Variants in CADM2 observed in about 807,000 individuals in gnomAD.
CADM2 encodes immunoglobulin superfamily member 4D.
CADM2 carries 12 observed loss-of-function variants against 49.8 expected under a neutral mutation model. The observed-to-expected ratio is 0.24, with a 90% CI of 0.15 to 0.39. The LOEUF (loss-of-function observed/expected upper bound fraction) is 0.39, where lower values mean the gene tolerates loss of function less well. CADM2 is among the 10% of genes least tolerant of loss of function. CADM2 has a pLI of 1.00. For missense variants in CADM2, 378 were observed against 492.3 expected, an observed-to-expected ratio of 0.77 and a Z score of 2.20; for synonymous variants, 214 against 175.4, an observed-to-expected ratio of 1.22 and a Z score of -1.74.
At chr3:85,686,794 T>C (rs1399976840) in intron 1 of CADM2, among the ~76,000 whole-genome samples, 1 of 152,030 alleles carries the variant, frequency 6.6e-6, no homozygotes, top group East Asian at 1.9e-4. Flanking sequence ...CTTTGGAGAG[T>C]CTAATCAGAA....
rs183003204 is a variant in CADM2 at position 85,113,905 on chromosome 3, G to T, written c.61+154237G>T. ...GTTTCAATAGCTGTAAGTAAGCAGT[G>T]TGATGGCAAGAGAAGAAAATAAAAT... On this transcript the variant is annotated intron_variant, in intron 1 of 9. Transcript: ENST00000383699. 1.4e-4 allele frequency among the ~76,000 whole-genome samples: 21 copies of T among 152,128 alleles called. 1 individual carries two copies. The East Asian group carries it at 4.1e-3, about 29-fold the overall frequency.
intron 8 of CADM2, among the ~76,000 whole-genome samples, chr3:86,001,653 G>T (rs949582815): frequency 6.6e-6 from 1 of 152,024 alleles, no homozygotes; most frequent in Non-Finnish European, 1.5e-5. Context: ...GGAAATAAGT[G>T]CACAGTAAAC....
intron 1 of CADM2, among the ~76,000 whole-genome samples, chr3:84,973,160 A>G (rs1054150056): frequency 2.0e-5 from 3 of 152,102 alleles, no homozygotes; most frequent in African/African-American, 7.2e-5. Flanking sequence ...TGATCCGCCA[A>G]CCTCGGCCTC....
At chr3:85,269,627 T>TC (rs1280905055) in intron 1 of CADM2, among the ~76,000 whole-genome samples, 52 of 151,324 alleles carry the variant, frequency 3.4e-4, no homozygotes, top group Admixed American at 2.5e-3. Flanking sequence ...ATCTCTTGTG[T>TC]ACTGAGTCAG....
chr3:85,854,998 T>A (rs2075253443), intron 3 of CADM2, among the ~76,000 whole-genome samples: 1 of 152,174 alleles, frequency 6.6e-6, no homozygotes, highest in Non-Finnish European at 1.5e-5. Flanking sequence ...TTCCACCTTA[T>A]GCCCACAGGA....
In CADM2 at chr3:85,130,751, T is replaced by G. The variant is rs556649573; in HGVS notation, c.61+171083T>G. On this transcript the variant is annotated intron_variant, in intron 1 of 9. Coordinates refer to ENST00000383699, the MANE Select transcript of CADM2 (RefSeq NM_001167675.2). ...TATTTTCTTATTAACCTTAAGTTAC[T>G]GATAGAAAGTTGAAATTGTTAACCA... Among the ~76,000 whole-genome samples, 5 of 152,352 alleles carry G rather than the reference T, an allele frequency of 3.3e-5. No homozygotes were observed. The South Asian group carries it at 1.0e-3, about 32-fold the overall frequency.
At chr3:85,902,966 C>A (rs1716318111) in intron 5 of CADM2, among the ~76,000 whole-genome samples, 1 of 151,856 alleles carries the variant, frequency 6.6e-6, no homozygotes, top group Non-Finnish European at 1.5e-5. Flanking sequence ...CTGAGAAAAG[C>A]AAGGATACCA....
intron 1 of CADM2, among the ~76,000 whole-genome samples, chr3:85,699,881 T>C (rs1271385969): frequency 1.3e-5 from 2 of 152,224 alleles, no homozygotes; most frequent in African/African-American, 4.8e-5. Context: ...TTCTATCAAA[T>C]GGGCAGGCTG....
chr3:85,314,404 C>T (rs1452443753), intron 1 of CADM2, among the ~76,000 whole-genome samples: 1 of 151,198 alleles, frequency 6.6e-6, no homozygotes, highest in Non-Finnish European at 1.5e-5. Context: ...TATTAAAAAT[C>T]AGTTCCTGGA....
At chr3:85,383,527 TATATATATATAC>T (rs1559811954) in intron 1 of CADM2, among the ~76,000 whole-genome samples, 28 of 59,518 alleles carry the variant, frequency 4.7e-4, no homozygotes, top group East Asian at 2.1e-3. Flanking sequence ...TATATATATA[TATATATATATAC>T]ATATATATAT....
intron 1 of CADM2, among the ~76,000 whole-genome samples, chr3:85,346,040 T>A (rs1240168628): frequency 1.3e-5 from 2 of 152,198 alleles, no homozygotes; most frequent in Non-Finnish European, 2.9e-5. Context: ...TCTACTGGTC[T>A]TACAACTTTT....
At chr3:85,547,329 C>T (rs4502590) in intron 1 of CADM2, among the ~76,000 whole-genome samples, 77,954 of 152,032 alleles carry the variant, frequency 0.51, 23,072 homozygotes, top group East Asian at 0.85. Context: ...TTGAATTATA[C>T]AGTGCGATGG....
chr3:85,059,196 G>A (rs954139925), intron 1 of CADM2, among the ~76,000 whole-genome samples: 4 of 151,582 alleles, frequency 2.6e-5, no homozygotes, highest in African/African-American at 7.3e-5. Flanking sequence ...CCGAGATCGC[G>A]CCACTGCACT....
chr3:85,617,858 A>G (rs950844383), intron 1 of CADM2, among the ~76,000 whole-genome samples: 1 of 152,224 alleles, frequency 6.6e-6, no homozygotes, highest in Non-Finnish European at 1.5e-5. Flanking sequence ...AAGTGATAAA[A>G]TAAAGATCTA....
intron 1 of CADM2, among the ~76,000 whole-genome samples, chr3:85,563,285 G>T (rs986506599): frequency 2.0e-5 from 3 of 152,014 alleles, no homozygotes; most frequent in African/African-American, 4.8e-5. Flanking sequence ...GAAATTGAAT[G>T]AGTGGATTGA....
At chr3:85,532,057 G>C (rs968113947) in intron 1 of CADM2, among the ~76,000 whole-genome samples, 4 of 152,124 alleles carry the variant, frequency 2.6e-5, no homozygotes, top group Admixed American at 6.5e-5. Flanking sequence ...GGAGCCTGTA[G>C]TCCCAGCGAC....
chr3:85,763,035 G>T (rs904297223), intron 2 of CADM2, among the ~76,000 whole-genome samples: 1 of 151,924 alleles, frequency 6.6e-6, no homozygotes, highest in Non-Finnish European at 1.5e-5. Flanking sequence ...CACATTCCTG[G>T]ACATTATTGA....
At chr3:85,846,550 A>G (rs1291350490) in intron 3 of CADM2, among the ~76,000 whole-genome samples, 1 of 152,204 alleles carries the variant, frequency 6.6e-6, no homozygotes, top group Non-Finnish European at 1.5e-5. Flanking sequence ...AAATATTTGC[A>G]GTTAAGCAAA....
At chr3:86,034,182 T>C (rs757649206) in intron 8 of CADM2, among the ~76,000 whole-genome samples, 11 of 151,948 alleles carry the variant, frequency 7.2e-5, no homozygotes, top group Non-Finnish European at 1.5e-4. Context: ...CTTCTTCTCA[T>C]TTTACTACTT....
Sources: gnomAD v4.1 joint callset for allele counts (sites outside exome capture counted in the v4.1 genomes callset) on GRCh38, gnomAD v4.1.1 for gene constraint, MANE v1.5 for transcripts, NCBI Gene and HGNC (gene_info 2026-07-23, HGNC 2026-07-21) for gene names.